DOCK3: variants seen among roughly 807,000 people sequenced by gnomAD.
DOCK3 encodes dedicator of cytokinesis protein 3.
A neutral mutation model predicts 265.6 loss-of-function variants in DOCK3; 60 were observed. That is an observed-to-expected ratio of 0.23 (90% CI 0.18 to 0.28). DOCK3 has a LOEUF of 0.28. Ranked by LOEUF, DOCK3 falls within the 10% of genes least tolerant of loss-of-function variation. DOCK3 has a pLI of 1.00. For synonymous variants in DOCK3, 881 were observed against 938.0 expected, an observed-to-expected ratio of 0.94 and a Z score of 1.11; for missense variants, 1,981 against 2,594.3, an observed-to-expected ratio of 0.76 and a Z score of 5.14.
intron 9 of DOCK3, among the ~76,000 whole-genome samples, chr3:51,125,931 A>T (rs193139582): frequency 3.9e-5 from 6 of 152,350 alleles, no homozygotes; most frequent in Admixed American, 2.6e-4. Flanking sequence ...GTGTTTTTAC[A>T]TGAGGCTTTA....
intron 5 of DOCK3, among the ~76,000 whole-genome samples, chr3:50,997,418 A>T (rs1048408093): frequency 6.6e-6 from 1 of 152,158 alleles, no homozygotes; most frequent in Non-Finnish European, 1.5e-5. Context: ...GGAAGTATAT[A>T]TATATTTAAA....
intron 32 of DOCK3, among the ~76,000 whole-genome samples, chr3:51,321,811 A>G (rs1024854864): frequency 8.5e-5 from 13 of 152,218 alleles, no homozygotes; most frequent in South Asian, 2.1e-4. Flanking sequence ...CAAAGCCTCC[A>G]AGAAATATGG....
intron 9 of DOCK3, among the ~76,000 whole-genome samples, chr3:51,100,079 A>G (rs979020341): frequency 1.3e-5 from 2 of 152,200 alleles, no homozygotes; most frequent in African/African-American, 4.8e-5. Flanking sequence ...TACAGTGACC[A>G]GATGACAGAC....
At chr3:50,877,481 A>T (rs1417003408) in intron 3 of DOCK3, 2 of 520,042 alleles carry the variant, frequency 3.8e-6, no homozygotes, top group South Asian at 1.4e-5. Context: ...AATTTATTTC[A>T]TTTGTTCTGT....
chr3:50,940,648 T>C (rs1296678508), intron 5 of DOCK3, among the ~76,000 whole-genome samples: 1 of 152,138 alleles, frequency 6.6e-6, no homozygotes, highest in African/African-American at 2.4e-5. Context: ...TTGAAAAGAA[T>C]AATAAAGTTG....
intron 2 of DOCK3, among the ~76,000 whole-genome samples, chr3:50,806,438 G>A (rs1475328628): frequency 6.6e-6 from 1 of 151,724 alleles, no homozygotes; most frequent in Non-Finnish European, 1.5e-5. Flanking sequence ...GTGTTGGGTG[G>A]GAATGCTGTG....
chr3:51,252,137 G>GT (rs1560289527), intron 22 of DOCK3, among the ~76,000 whole-genome samples: 1 of 152,074 alleles, frequency 6.6e-6, no homozygotes, highest in Admixed American at 6.5e-5. Flanking sequence ...CCCATTTCTT[G>GT]TTTTTGTCAG....
chr3:50,829,211 A>G (rs2044977690), intron 2 of DOCK3, among the ~76,000 whole-genome samples: 2 of 152,118 alleles, frequency 1.3e-5, no homozygotes, highest in Admixed American at 1.3e-4. Context: ...ATTTTTCCTC[A>G]GTATAGAATT....
At chr3:50,888,229 G>T (rs1260168390) in intron 3 of DOCK3, among the ~76,000 whole-genome samples, 3 of 151,800 alleles carry the variant, frequency 2.0e-5, no homozygotes. Flanking sequence ...GACAAACAGA[G>T]AGCCAAATCA....
At chr3:51,119,221 T>A (rs1320722686) in intron 9 of DOCK3, among the ~76,000 whole-genome samples, 1 of 152,232 alleles carries the variant, frequency 6.6e-6, no homozygotes, top group African/African-American at 2.4e-5. Context: ...CCTTCACTTA[T>A]GAAGCTTAGT....
At chr3:51,328,589 G>A (rs1462626391) in intron 32 of DOCK3, among the ~76,000 whole-genome samples, 42 of 146,020 alleles carry the variant, frequency 2.9e-4, no homozygotes, top group African/African-American at 1.1e-3. Flanking sequence ...CCCTGGCCAT[G>A]TAGCAGACCA....
At chr3:51,178,532 A>G (rs966209680) in intron 12 of DOCK3, among the ~76,000 whole-genome samples, 1 of 152,240 alleles carries the variant, frequency 6.6e-6, no homozygotes, top group African/African-American at 2.4e-5. Context: ...TTCAGCTTTA[A>G]CATACCCACC....
At position 51,381,118 on chromosome 3, in the gene DOCK3, G is replaced by A. The variant is rs782465835; in HGVS notation, c.5652G>A (p.Thr1884=). 10 of 1,613,612 alleles carry A rather than the reference G, an allele frequency of 6.2e-6. No individual in the cohort carries two copies. In the Admixed American group the frequency reaches 8.3e-5, roughly 13 times the overall value. ...CAGGTCTGGACGGCAGCAACTCTACGCTGTCCGGCAGTGCCAGCAGCGGCG... is the reference window on the plus strand; with the variant it reads ...CAGGTCTGGACGGCAGCAACTCTACACTGTCCGGCAGTGCCAGCAGCGGCG... ...PQSGLDGSNS[T]LSGSASSGVS... is the part of the protein sequence containing the mutation. The change falls in exon 53 of 53, where the codon ACG becomes ACA. Residue 1884 remains threonine, a synonymous_variant. Coordinates refer to ENST00000266037, the MANE Select transcript of DOCK3 (RefSeq NM_004947.5). The surrounding 1 kb of genome is among the most constrained non-coding windows in gnomAD (Gnocchi z 5.6).
chr3:51,245,967 T>C (rs1047304820), intron 21 of DOCK3, among the ~76,000 whole-genome samples: 11 of 152,316 alleles, frequency 7.2e-5, no homozygotes, highest in African/African-American at 2.6e-4. Context: ...GCCCCAGATG[T>C]GACCATGGCG....
chr3:50,777,309 G>C (rs2041663177), intron 1 of DOCK3, among the ~76,000 whole-genome samples: 1 of 151,920 alleles, frequency 6.6e-6, no homozygotes, highest in Non-Finnish European at 1.5e-5. Context: ...TTTTATTCCA[G>C]TATCATGCTG....
At chr3:51,122,262 T>G (rs2106761725) in intron 9 of DOCK3, among the ~76,000 whole-genome samples, 1 of 152,268 alleles carries the variant, frequency 6.6e-6, no homozygotes, top group African/African-American at 2.4e-5. Context: ...GGAGGATTGC[T>G]TGAGGCCGGG....
intron 5 of DOCK3, among the ~76,000 whole-genome samples, chr3:51,029,073 CTTT>C (rs1158427713): frequency 4.0e-5 from 6 of 151,892 alleles, no homozygotes; most frequent in Non-Finnish European, 7.4e-5. Flanking sequence ...TTTTAATGGG[CTTT>C]TTTGATTTTT....
intron 1 of DOCK3, among the ~76,000 whole-genome samples, chr3:50,768,797 A>G (rs1477963351): frequency 1.3e-5 from 2 of 152,096 alleles, no homozygotes; most frequent in Non-Finnish European, 2.9e-5. Flanking sequence ...ATCATATGGT[A>G]TTTATATTTT....
chr3:51,212,104 G>T (rs2089540581), intron 13 of DOCK3, among the ~76,000 whole-genome samples: 2 of 152,202 alleles, frequency 1.3e-5, no homozygotes, highest in Admixed American at 1.3e-4. Flanking sequence ...GAAGTTCCAA[G>T]ATCTCAACTC....
Sources: gnomAD v4.1 joint callset for allele counts (sites outside exome capture counted in the v4.1 genomes callset) on GRCh38, gnomAD v4.1.1 for gene constraint, Gnocchi (gnomAD v3.1) non-coding constraint, MANE v1.5 for transcripts, NCBI Gene and HGNC (gene_info 2026-07-23, HGNC 2026-07-21) for gene names.